FRMD1: variants seen among roughly 807,000 people sequenced by gnomAD.
FRMD1 encodes FERM domain-containing protein 1.
A neutral mutation model predicts 54.9 loss-of-function variants in FRMD1; 51 were observed. The observed-to-expected ratio is 0.93, with a 90% CI of 0.74 to 1.17. The LOEUF is 1.17. Ranked by LOEUF, FRMD1 falls within the 50% of genes most tolerant of loss-of-function variation. The probability of loss-of-function intolerance (pLI) is 0.00; values close to 1 mark genes in which losing one functional copy is unlikely to be tolerated. For missense variants in FRMD1, 729 were observed against 743.0 expected (o/e 0.98, Z 0.22); for synonymous variants, 324 against 306.4 (o/e 1.06, Z -0.60).
intron 8 of FRMD1, 83 bp downstream of exon 8, chr6:168,061,724 G>A: frequency 7.3e-7 from 1 of 1,373,992 alleles, no homozygotes; most frequent in Non-Finnish European, 9.8e-7. Flanking sequence ...AGAAGGCATA[G>A]TCCGGCCAGA....
At chr6:168,081,391 T>C (rs1284088217), upstream of FRMD1, 3 of 1,535,282 alleles carry the variant, frequency 2.0e-6, no homozygotes, top group South Asian at 1.2e-5. Flanking sequence ...TGGAAGAGGC[T>C]GGCCTGCCAC....
chr6:168,059,325 C>G lies in FRMD1; in HGVS notation c.1343-137G>C. 2.9e-6 allele frequency: 2 copies of G among 686,820 alleles called. No homozygotes were observed. Among genetic ancestry groups the G allele is most frequent in the Admixed American group, 5.3e-5 (2 of 38,010 alleles). The allele number at this position is 686,820 out of a possible 1,614,324, so 42.5% of individuals were successfully genotyped here. On this transcript the variant is annotated intron_variant, in intron 9 of 10. Coordinates refer to ENST00000283309, the MANE Select transcript of FRMD1 (RefSeq NM_024919.6). This position sits in a 1 kb window ranked among gnomAD's most constrained non-coding sequence, Gnocchi z 4.4. Reference sequence around the variant, plus strand: ...GAGGCTCACACCGCCCCCTTGCTCTCAGTGCGGTGACTGCTTTTGCTCCAT... The same window carrying G: ...GAGGCTCACACCGCCCCCTTGCTCTGAGTGCGGTGACTGCTTTTGCTCCAT...
chr6:168,065,952 T>C, intron 4 of FRMD1: 1 of 1,000,246 alleles, frequency 1.0e-6, no homozygotes, highest in Non-Finnish European at 1.2e-6. Context: ...GGGACGTCTT[T>C]GTTACCCTAG....
At chr6:168,088,371 G>A (rs1020959419) in intron 1 of FRMD1, among the ~76,000 whole-genome samples, 3 of 152,178 alleles carry the variant, frequency 2.0e-5, no homozygotes, top group Non-Finnish European at 2.9e-5. Flanking sequence ...GCGGGGGAGT[G>A]GCCGGGAGGC....
intron 3 of FRMD1, chr6:168,067,049 C>T (rs537315799): frequency 1.0e-4 from 76 of 745,352 alleles, no homozygotes; most frequent in South Asian, 5.8e-4. Flanking sequence ...TCTGCAAAGG[C>T]GGGCTTCGGG....
At chr6:168,062,060 A>C in intron 7 of FRMD1, 79 bp from the exon 8 acceptor site, 15 of 1,459,724 alleles carry the variant, frequency 1.0e-5, no homozygotes, top group African/African-American at 1.4e-5. Flanking sequence ...TTTAAATGTC[A>C]GCCATGGCCC....
Position 168,060,973 on chromosome 6 carries a change from C to T in FRMD1, c.1130G>A (p.Ser377Asn), listed in dbSNP as rs750199644. 2.5e-6 allele frequency: 4 copies of T among 1,612,952 alleles called. No homozygotes were observed. In the African/African-American group the frequency reaches 5.3e-5, roughly 22 times the overall value. Residue 377 changes from serine (S) to asparagine (N), a missense_variant, in exon 9 of 11, where the codon AGC becomes AAC. Transcript: ENST00000283309. ...ASRSFPGSGVSSQHCPHCLSR... is the reference protein window; with the variant it reads ...ASRSFPGSGVNSQHCPHCLSR... Reference sequence around the variant, plus strand: ...GAGGCAGTGGGGGCAGTGCTGGCTGCTGACCCCACTGCCCGGGAAGCTCCT... The same window carrying T: ...GAGGCAGTGGGGGCAGTGCTGGCTGTTGACCCCACTGCCCGGGAAGCTCCT...
rs202169407 is a variant in FRMD1 at position 168,078,918 on chromosome 6, C to T, written c.177G>A (p.Leu59=). Residue 59 remains leucine, a synonymous_variant, in exon 1 of 11, where the codon CTG becomes CTA. Transcript: ENST00000283309. ...MASEHRDVLV[L]LPSREQLRLA... ...GCCGCAGTTGCTCCCGGCTGGGCAG[C>T]AGCACGAGGACATCCCTGTGTTCCG... 189 of 1,603,120 alleles carry T rather than the reference C, an allele frequency of 1.2e-4. No individual in the cohort carries two copies. Among genetic ancestry groups the T allele is most frequent in the Non-Finnish European group, 1.4e-4 (163 of 1,177,280 alleles).
At chr6:168,075,130 T>G in intron 2 of FRMD1, 115 bp downstream of exon 2, 16 of 820,640 alleles carry the variant, frequency 1.9e-5, no homozygotes, top group Non-Finnish European at 2.9e-5. Flanking sequence ...TGTGTACATA[T>G]GAGAGTGGTG....
chr6:168,075,120 T>C, intron 2 of FRMD1, 125 bp downstream of exon 2: 1 of 760,802 alleles, frequency 1.3e-6, no homozygotes, highest in Admixed American at 1.9e-5. Flanking sequence ...GGTGTGTGCA[T>C]GTGTACATAT....
intron 1 of FRMD1, 29 bp downstream of exon 1, chr6:168,078,853 C>A (rs375605833): frequency 6.6e-7 from 1 of 1,521,122 alleles, no homozygotes; most frequent in Non-Finnish European, 8.8e-7. Context: ...GCTCTGTTTA[C>A]CCCCACGGCC....
At chr6:168,075,772 AACAGTGTTCCT>A in intron 1 of FRMD1, 1 of 1,550,844 alleles carries the variant, frequency 6.4e-7, no homozygotes, top group Non-Finnish European at 8.7e-7. Context: ...GAGTGATCCC[AACAGTGTTCCT>A]ACAGCTGAGC....
Position 168,067,378 on chromosome 6 carries a change from C to A in FRMD1, c.373G>T (p.Glu125Ter), listed in dbSNP as rs375604682. 3 of 1,600,312 alleles carry A rather than the reference C, an allele frequency of 1.9e-6. No homozygotes were observed. Among genetic ancestry groups the A allele is most frequent in the Non-Finnish European group, 2.6e-6 (3 of 1,172,398 alleles). The change falls in exon 3 of 11, where the codon GAA becomes TAA. Residue 125 changes from glutamate to a stop codon, truncating the protein, a stop_gained. Coordinates refer to ENST00000283309, the MANE Select transcript of FRMD1 (RefSeq NM_024919.6). LOFTEE classifies it high-confidence loss of function. ...CACTCTACACTTACTTCATTTCTTT[C>A]TTTCTTCCAATCTTTTGAGAAGTAC... ...SKYFSKDWKK[E>*]RNEGNEKPRA... is the part of the protein sequence containing the mutation.
chr6:168,061,942 C>A lies in FRMD1; in HGVS notation c.910G>T (p.Ala304Ser). Residue 304 changes from alanine (A) to serine (S), a missense_variant, in exon 8 of 11, where the codon GCA becomes TCA. Ala to Ser is a moderately conservative substitution (Grantham distance 99). Transcript: ENST00000283309. ...CCCGTGTAGTAAACCAGCTTCTGTG[C>A]TGCGGGCAGCCCATCCAGCTGGATC... is the stretch of plus-strand genomic sequence containing the variant. ...LEIQLDGLPA[A>S]QKLVYYTGCT... The A allele has an allele frequency of 6.2e-7, 1 of 1,600,556 alleles. No individual in the cohort carries two copies. The highest frequency in any genetic ancestry group is 8.5e-7 in the Non-Finnish European group (1 of 1,174,716).
chr6:168,077,278 C>T (rs58801901), intron 1 of FRMD1, among the ~76,000 whole-genome samples: 11 of 113,816 alleles, frequency 9.7e-5, no homozygotes, highest in Non-Finnish European at 1.1e-4. Context: ...GCACACACTC[C>T]GATGGGGGGG....
chr6:168,067,085 G>T, intron 3 of FRMD1: 1 of 708,638 alleles, frequency 1.4e-6, no homozygotes. Context: ...GCAGCCTCAG[G>T]GCTCACCACA....
intron 9 of FRMD1, among the ~76,000 whole-genome samples, chr6:168,060,100 TG>T (rs374477393): frequency 0.015 from 532 of 35,604 alleles, 15 homozygotes; most frequent in Admixed American, 0.065. Flanking sequence ...CTTAGGAGTG[TG>T]GGGGGGGCTT....
Position 168,057,122 on chromosome 6 carries a change from G to T in FRMD1, c.1625C>A (p.Ala542Asp), listed in dbSNP as rs778629514. ...NCLALDLFGE[A>D]PPQEFVV ...CTACACCACAAACTCCTGTGGTGGAGCCTCTCCGAACAGGTCCAGGGCGAG... is the reference window on the plus strand; with the variant it reads ...CTACACCACAAACTCCTGTGGTGGATCCTCTCCGAACAGGTCCAGGGCGAG... Residue 542 changes from alanine to aspartate, a missense_variant, in exon 11 of 11, where the codon GCT becomes GAT. By Grantham distance (126) the Ala-to-Asp change is moderately radical. Transcript: ENST00000283309. 33 of 1,497,910 alleles carry T rather than the reference G, an allele frequency of 2.2e-5. No individual in the cohort carries two copies. In the Admixed American group the frequency reaches 2.4e-4, roughly 11 times the overall value. 92.8% of individuals were successfully genotyped at this position (1,497,910 alleles called of 1,614,324 possible).
intron 5 of FRMD1, among the ~76,000 whole-genome samples, chr6:168,064,299 C>G (rs906042010): frequency 3.9e-5 from 6 of 152,170 alleles, no homozygotes; most frequent in Admixed American, 3.9e-4. Flanking sequence ...AGGAGAGAAA[C>G]CTTAAAGTTC....
Sources: gnomAD v4.1 joint callset for allele counts (sites outside exome capture counted in the v4.1 genomes callset) on GRCh38, gnomAD v4.1.1 for gene constraint, Gnocchi (gnomAD v3.1) non-coding constraint, MANE v1.5 for transcripts, NCBI Gene and HGNC (gene_info 2026-07-23, HGNC 2026-07-21) for gene names.